Variants in ITIH5 observed in about 807,000 individuals in gnomAD.
ITIH5 encodes inter-alpha-trypsin inhibitor heavy chain 5.
ITIH5 carries 65 observed loss-of-function variants against 77.5 expected under a neutral mutation model. The ratio of observed to expected loss-of-function variants is 0.84; its 90% confidence interval spans 0.69 to 1.03. The LOEUF is 1.03. Among genes scored for constraint, ITIH5 ranks in the 50% least tolerant of loss-of-function variants. ITIH5 has a pLI of 0.00. For synonymous variants in ITIH5, 525 were observed against 494.3 expected (o/e 1.06, Z -0.82); for missense variants, 1,208 against 1,213.1 (o/e 1.00, Z 0.06).
chr10:7,643,329 C>T (rs1261866809), intron 2 of ITIH5, among the ~76,000 whole-genome samples: 1 of 152,222 alleles, frequency 6.6e-6, no homozygotes, highest in Non-Finnish European at 1.5e-5. Flanking sequence ...TAAAACAAGA[C>T]ATTACCCCAT....
chr10:7,583,327 C>T lies in ITIH5; in HGVS notation c.1108+2574G>A, dbSNP rs576699793. Among the ~76,000 whole-genome samples, 41 of 152,212 alleles carry T rather than the reference C, an allele frequency of 2.7e-4. 1 individual carries two copies. In the South Asian group the frequency reaches 8.3e-3, roughly 31 times the overall value. Reference sequence around the variant, plus strand: ...ACATTTTATTGGAATCACTAATTTGCCTTTCTTTTGTTTGTTTGTTTTTGA... The same window carrying T: ...ACATTTTATTGGAATCACTAATTTGTCTTTCTTTTGTTTGTTTGTTTTTGA... On this transcript the variant is annotated intron_variant, in intron 8 of 13. Transcript: ENST00000397146.
intron 7 of ITIH5, among the ~76,000 whole-genome samples, chr10:7,606,639 AT>A (rs1377550774): frequency 6.6e-6 from 1 of 152,230 alleles, no homozygotes; most frequent in Admixed American, 6.5e-5. Context: ...TACTGTGCTT[AT>A]TAGCTGGGTG....
intron 8 of ITIH5, among the ~76,000 whole-genome samples, chr10:7,582,079 G>A (rs943843710): frequency 1.5e-4 from 23 of 152,038 alleles, no homozygotes; most frequent in African/African-American, 5.1e-4. Flanking sequence ...GTTTCACCAT[G>A]TTGGCCAGGC....
intron 10 of ITIH5, among the ~76,000 whole-genome samples, chr10:7,575,958 T>C (rs4237370): frequency 0.99 from 150,292 of 152,320 alleles, 74,180 homozygotes; most frequent in East Asian, 1. Context: ...CAGTGTATAG[T>C]AATGCACATA....
chr10:7,608,099 C>T (rs1833168229), intron 7 of ITIH5, among the ~76,000 whole-genome samples: 1 of 152,198 alleles, frequency 6.6e-6, no homozygotes, highest in Admixed American at 6.5e-5. Flanking sequence ...GTCTTTCAGG[C>T]ATGCACTCAC....
At chr10:7,626,594 T>C (rs1003497894) in intron 5 of ITIH5, among the ~76,000 whole-genome samples, 1 of 151,772 alleles carries the variant, frequency 6.6e-6, no homozygotes, top group Admixed American at 6.6e-5. Context: ...GAGCTGGGGG[T>C]TTCACAGCCA....
At chr10:7,575,371 G>A (rs1419950790) in intron 10 of ITIH5, among the ~76,000 whole-genome samples, 1 of 152,188 alleles carries the variant, frequency 6.6e-6, no homozygotes, top group African/African-American at 2.4e-5. Flanking sequence ...CCACACCCAG[G>A]TCCTTCTAAG....
At chr10:7,627,062 C>T (rs1833591572) in intron 5 of ITIH5, among the ~76,000 whole-genome samples, 1 of 152,158 alleles carries the variant, frequency 6.6e-6, no homozygotes, top group African/African-American at 2.4e-5. Context: ...TCTACGAAGA[C>T]AACCGAAGTC....
chr10:7,644,302 C>T lies in ITIH5; in HGVS notation c.136-2212G>A, dbSNP rs145282362. ...GTGTATATATATCATATATATCATA[C>T]ATATCACATATATATCATACATATC... On this transcript the variant is annotated intron_variant, in intron 2 of 13. Transcript: ENST00000397146. 7.6e-3 allele frequency among the ~76,000 whole-genome samples: 1,126 copies of T among 148,124 alleles called. 6 individuals carry two copies. Among genetic ancestry groups the T allele is most frequent in the Non-Finnish European group, 0.011 (742 of 67,334 alleles).
At chr10:7,654,638 T>A (rs1834151429) in intron 2 of ITIH5, among the ~76,000 whole-genome samples, 1 of 152,242 alleles carries the variant, frequency 6.6e-6, no homozygotes. Flanking sequence ...TATCACCTTC[T>A]GGGAACCAGG....
intron 2 of ITIH5, among the ~76,000 whole-genome samples, chr10:7,644,641 T>TATCA: frequency 1.2e-5 from 1 of 85,968 alleles, no homozygotes; most frequent in African/African-American, 3.5e-5. Flanking sequence ...ATCACATATA[T>TATCA]ATCATATATA....
intron 5 of ITIH5, among the ~76,000 whole-genome samples, chr10:7,633,440 A>C (rs774405420): frequency 9.9e-5 from 15 of 152,228 alleles, no homozygotes; most frequent in Non-Finnish European, 1.2e-4. Context: ...CTTTCTTTTT[A>C]TTTTTATATT....
chr10:7,655,678 A>G lies in ITIH5; in HGVS notation c.91-3T>C, dbSNP rs1249769804. The G allele has an allele frequency of 1.9e-6, 3 of 1,608,606 alleles. No homozygotes were observed. Among genetic ancestry groups the G allele is most frequent in the Non-Finnish European group, 2.6e-6 (3 of 1,175,212 alleles). On this transcript the variant is annotated splice_region_variant and splice_polypyrimidine_tract_variant and intron_variant, in intron 1 of 13. Coordinates refer to ENST00000397146, the MANE Select transcript of ITIH5 (RefSeq NM_030569.7). ...TGCCTCGGGACCCTGAGTCCATCCT[A>G]GAAAAGAGAAGAGACTGTTAAAAAG...
chr10:7,633,358 C>G (rs1833743255), intron 5 of ITIH5, among the ~76,000 whole-genome samples: 1 of 151,800 alleles, frequency 6.6e-6, no homozygotes, highest in South Asian at 2.1e-4. Context: ...ATTTACAATT[C>G]AACAGATGTG....
chr10:7,594,966 C>T (rs943015532), intron 7 of ITIH5, among the ~76,000 whole-genome samples: 2 of 152,236 alleles, frequency 1.3e-5, no homozygotes, highest in Non-Finnish European at 1.5e-5. Context: ...GGGGTCCGTG[C>T]CAGTTCCTAA....
At chr10:7,644,546 A>ATGATATATATCACATATATG (rs1554757643) in intron 2 of ITIH5, among the ~76,000 whole-genome samples, 1 of 115,774 alleles carries the variant, frequency 8.6e-6, no homozygotes, top group Admixed American at 8.7e-5. Context: ...TCACATATAT[A>ATGATATATATCACATATATG]TGATATATCA....
intron 5 of ITIH5, among the ~76,000 whole-genome samples, chr10:7,629,177 C>A (rs1240731129): frequency 7.4e-6 from 1 of 134,248 alleles, no homozygotes; most frequent in East Asian, 2.1e-4. Flanking sequence ...TCATATGTAT[C>A]TGTGTTTTCA....
chr10:7,568,814 G>T (rs1832237388), intron 12 of ITIH5, among the ~76,000 whole-genome samples: 1 of 152,088 alleles, frequency 6.6e-6, no homozygotes, highest in African/African-American at 2.4e-5. Context: ...AGGGGCCACA[G>T]AGCCCCTTTG....
rs1458852448 is a variant in ITIH5 at position 7,629,503 on chromosome 10, ATGTTGCAGCGTGTGTCCG to A, written c.652+7707_652+7724del. Among the ~76,000 whole-genome samples the A allele has an allele frequency of 1.2e-3, 101 of 87,530 alleles. 7 individuals carry two copies. Among genetic ancestry groups the A allele is most frequent in the Non-Finnish European group, 1.7e-3 (81 of 47,416 alleles). 57.4% of individuals were successfully genotyped at this position (87,530 alleles called of 152,430 possible). A position where few individuals can be genotyped will look rare whatever the true frequency, so the allele number is the denominator to read the frequency against. The stretch of plus-strand genomic sequence containing the variant: ...TGTGTCCATGTTGTAGCGTGTGTCC[ATGTTGCAGCGTGTGTCCG>A]TGTTGCAGCGTGTGTCCGTGTTGTG... On this transcript the variant is annotated intron_variant, in intron 5 of 13. Transcript: ENST00000397146.
Sources: gnomAD v4.1 joint callset for allele counts (sites outside exome capture counted in the v4.1 genomes callset) on GRCh38, gnomAD v4.1.1 for gene constraint, MANE v1.5 for transcripts, NCBI Gene and HGNC (gene_info 2026-07-23, HGNC 2026-07-21) for gene names.